DNAI4: variants seen among roughly 807,000 people sequenced by gnomAD.
DNAI4 encodes dynein axonemal intermediate chain 4.
Under a neutral mutation model 105.8 loss-of-function variants are expected in DNAI4, and 85 were observed. The ratio of observed to expected loss-of-function variants is 0.80; its 90% confidence interval spans 0.67 to 0.96. DNAI4 has a LOEUF of 0.96. DNAI4 is among the 40% of genes least tolerant of loss of function. DNAI4 has a pLI of 0.00. For missense variants in DNAI4, 1,014 were observed against 1,005.6 expected, an observed-to-expected ratio of 1.01 and a Z score of -0.11; for synonymous variants, 352 against 331.5, an observed-to-expected ratio of 1.06 and a Z score of -0.67.
At chr1:66,922,208 T>C (rs1414540925) in intron 1 of DNAI4, among the ~76,000 whole-genome samples, 1 of 152,078 alleles carries the variant, frequency 6.6e-6, no homozygotes, top group Non-Finnish European at 1.5e-5. Context: ...ATTACAGGCA[T>C]GAGCCACTGT....
At chr1:66,838,055 T>C (rs1646069341) in intron 9 of DNAI4, among the ~76,000 whole-genome samples, 1 of 152,216 alleles carries the variant, frequency 6.6e-6, no homozygotes, top group Admixed American at 6.5e-5. Context: ...CAAGTTCTTT[T>C]ACATATTGAG....
In DNAI4 at chr1:66,889,015, G is replaced by A. The variant is rs1232105205; in HGVS notation, c.643+2139C>T. On this transcript the variant is annotated intron_variant, in intron 4 of 16. Transcript: ENST00000371026. ...GCAAGAATATCTACAGAGAAAGCTG[G>A]GGGAGGTTATGACAATAATCCAGTT... is the stretch of plus-strand genomic sequence containing the variant. Among the ~76,000 whole-genome samples the A allele has an allele frequency of 7.2e-5, 11 of 152,244 alleles. No homozygotes were observed. The East Asian group carries it at 1.9e-3, about 27-fold the overall frequency.
intron 2 of DNAI4, among the ~76,000 whole-genome samples, chr1:66,893,646 A>G (rs1648058954): frequency 6.6e-6 from 1 of 152,214 alleles, no homozygotes; most frequent in South Asian, 2.1e-4. Context: ...ATTAATATAT[A>G]TTAACTTTAG....
chr1:66,915,912 A>AG (rs1332652705), intron 1 of DNAI4, among the ~76,000 whole-genome samples: 1 of 152,150 alleles, frequency 6.6e-6, no homozygotes, highest in Non-Finnish European at 1.5e-5. Context: ...ACCTGAGGCC[A>AG]GGAGTTTGAG....
chr1:66,833,587 T>A lies in DNAI4; in HGVS notation c.2011A>T (p.Lys671Ter). The change falls in exon 13 of 17, where the codon AAG becomes TAG. Residue 671 changes from lysine (K) to a stop codon, truncating the protein, a stop_gained and splice_region_variant. Coordinates refer to ENST00000371026, the MANE Select transcript of DNAI4 (RefSeq NM_024763.5). LOFTEE classifies it high-confidence loss of function. ...TAAATAAGAGTGAAATAATTTACCT[T>A]GGGATGAAAAGCAAAACACATTCCA... ...APGMCFAFHP[K>*]DTNIYLAGTE... 6.2e-7 allele frequency: 1 copy of A among 1,612,486 alleles called. No individual in the cohort carries two copies. Among genetic ancestry groups the A allele is most frequent in the South Asian group, 1.1e-5 (1 of 90,930 alleles).
In DNAI4 at chr1:66,871,551, T is replaced by C. The variant is rs763982110; in HGVS notation, c.801-42A>G. ...GTATCCAACTCATTAATAAGAATCA[T>C]CACCACACGTATTATCTCTTTATAT... On this transcript the variant is annotated intron_variant, in intron 5 of 16. Coordinates refer to ENST00000371026, the MANE Select transcript of DNAI4 (RefSeq NM_024763.5). The C allele has an allele frequency of 2.7e-6, 4 of 1,498,034 alleles. No homozygotes were observed. The East Asian group carries it at 9.2e-5, about 35-fold the overall frequency. The allele number at this position is 1,498,034 out of a possible 1,614,324, so 92.8% of individuals were successfully genotyped here.
chr1:66,915,886 C>G (rs1650029854), intron 1 of DNAI4, among the ~76,000 whole-genome samples: 1 of 152,036 alleles, frequency 6.6e-6, no homozygotes, highest in Admixed American at 6.5e-5. Flanking sequence ...CTTTGGGAGG[C>G]TGAGGTGGGC....
chr1:66,842,840 C>T (rs1163257631), intron 8 of DNAI4, among the ~76,000 whole-genome samples: 2 of 152,044 alleles, frequency 1.3e-5, no homozygotes, highest in African/African-American at 2.4e-5. Context: ...TTGGATTTGC[C>T]CATTCTAATT....
Position 66,924,669 on chromosome 1 carries a change from A to G in DNAI4, c.163T>C (p.Phe55Leu). ...TTTAGCGCCGGAACTTACAACCCGA[A>G]GTTCTGCTGCTTGTGACTGCCTGCC... The part of the protein sequence containing the change: ...SPAGSHKQQN[F>L]GLNNATQPKK... Residue 55 changes from phenylalanine to leucine, a missense_variant, in exon 1 of 17, where the codon TTC (phenylalanine) becomes CTC (leucine). Phe to Leu is a conservative substitution (Grantham distance 22). Coordinates refer to ENST00000371026, the MANE Select transcript of DNAI4 (RefSeq NM_024763.5). 2 of 1,614,198 alleles carry G rather than the reference A, an allele frequency of 1.2e-6. No homozygotes were observed. Among genetic ancestry groups the G allele is most frequent in the South Asian group, 1.1e-5 (1 of 91,088 alleles).
At chr1:66,851,622 G>A (rs1646398321) in intron 7 of DNAI4, among the ~76,000 whole-genome samples, 1 of 151,682 alleles carries the variant, frequency 6.6e-6, no homozygotes, top group African/African-American at 2.4e-5. Flanking sequence ...AATCAATAAT[G>A]GAAAGACAAC....
intron 7 of DNAI4, among the ~76,000 whole-genome samples, chr1:66,850,444 T>C (rs1327664427): frequency 6.6e-6 from 1 of 151,646 alleles, no homozygotes; most frequent in East Asian, 1.9e-4. Context: ...AAAAAAAGTC[T>C]TCCCTAAAGA....
rs1410425290 is a variant in DNAI4, at chr1:66,905,273, C to T, written c.273G>A (p.Val91=). ...CAGGTGGAATAAGCACGGTTTTGGACACAGCCATTCTGCTTTGATTTGCAC... is the reference window on the plus strand; with the variant it reads ...CAGGTGGAATAAGCACGGTTTTGGATACAGCCATTCTGCTTTGATTTGCAC... The part of the protein sequence containing the change: ...YTGANQSRMA[V]SKTVLIPPEL... The change falls in exon 2 of 17, where the codon GTG becomes GTA. Residue 91 remains valine (V), a synonymous_variant. Coordinates refer to ENST00000371026, the MANE Select transcript of DNAI4 (RefSeq NM_024763.5). The T allele has an allele frequency of 1.3e-6, 2 of 1,586,218 alleles. No homozygotes were observed. Among genetic ancestry groups the T allele is most frequent in the South Asian group, 2.3e-5 (2 of 86,856 alleles).
chr1:66,914,792 T>G (rs1006751363), intron 1 of DNAI4, among the ~76,000 whole-genome samples: 1 of 152,208 alleles, frequency 6.6e-6, no homozygotes, highest in Non-Finnish European at 1.5e-5. Context: ...CTATGTGTTG[T>G]GTACACAATG....
intron 7 of DNAI4, among the ~76,000 whole-genome samples, chr1:66,859,605 T>C (rs1429258913): frequency 2.6e-5 from 4 of 152,164 alleles, no homozygotes; most frequent in African/African-American, 4.8e-5. Flanking sequence ...TCCAATGGAA[T>C]ATTATTCAGT....
chr1:66,814,981 G>C (rs1419455517), intron 16 of DNAI4, among the ~76,000 whole-genome samples: 1 of 152,174 alleles, frequency 6.6e-6, no homozygotes, highest in Non-Finnish European at 1.5e-5. Flanking sequence ...AAGCAAGACA[G>C]TATAGTGAAA....
chr1:66,921,616 T>A (rs1395919626), intron 1 of DNAI4, among the ~76,000 whole-genome samples: 1 of 152,244 alleles, frequency 6.6e-6, no homozygotes, highest in African/African-American at 2.4e-5. Flanking sequence ...CATCATACTA[T>A]GAGAGTTGGA....
chr1:66,855,610 G>A (rs1478136259), intron 7 of DNAI4, among the ~76,000 whole-genome samples: 1 of 152,022 alleles, frequency 6.6e-6, no homozygotes, highest in Non-Finnish European at 1.5e-5. Flanking sequence ...AAAATTATCC[G>A]AGATAAAGAG....
chr1:66,882,675 A>G (rs1321417677), intron 4 of DNAI4, among the ~76,000 whole-genome samples: 1 of 151,886 alleles, frequency 6.6e-6, no homozygotes, highest in Non-Finnish European at 1.5e-5. Flanking sequence ...CATTTTATTT[A>G]TCAGTGTACT....
In DNAI4 at chr1:66,836,464, C is replaced by T. The variant is rs528448389; in HGVS notation, c.1582-687G>A. The stretch of plus-strand genomic sequence containing the variant: ...CTTCTTATGGGAACAAAAAACTAAT[C>T]ATCTAGCATATAATTCCTGTCTTCT... On this transcript the variant is annotated intron_variant, in intron 10 of 16. Transcript: ENST00000371026. Among the ~76,000 whole-genome samples the T allele has an allele frequency of 2.0e-5, 3 of 152,250 alleles. No homozygotes were observed. In the East Asian group the frequency reaches 5.8e-4, roughly 29 times the overall value.
Sources: allele counts gnomAD v4.1 joint callset (sites outside exome capture counted in the v4.1 genomes callset), GRCh38; gene constraint gnomAD v4.1.1; transcripts MANE v1.5; gene names NCBI Gene and HGNC (gene_info 2026-07-23, HGNC 2026-07-21).